PRKCB: variants seen among roughly 807,000 people sequenced by gnomAD.
The protein encoded by PRKCB is protein kinase C beta type.
Under a neutral mutation model 81.5 loss-of-function variants are expected in PRKCB, and 13 were observed. That is an observed-to-expected ratio of 0.16 (90% CI 0.10 to 0.25). PRKCB has a LOEUF of 0.25. Among genes scored for constraint, PRKCB ranks in the 10% least tolerant of loss-of-function variants. The pLI is 1.00. For synonymous variants in PRKCB, 335 were observed against 321.4 expected, an observed-to-expected ratio of 1.04 and a Z score of -0.45; for missense variants, 509 against 875.7, an observed-to-expected ratio of 0.58 and a Z score of 5.29.
At chr16:23,841,323 A>C (rs1407889864) in intron 2 of PRKCB, among the ~76,000 whole-genome samples, 1 of 151,474 alleles carries the variant, frequency 6.6e-6, no homozygotes, top group East Asian at 1.9e-4. Context: ...CAGGTGATCC[A>C]CCCGCCTCGG....
intron 2 of PRKCB, among the ~76,000 whole-genome samples, chr16:23,900,579 T>C (rs957845504): frequency 6.6e-6 from 1 of 151,328 alleles, no homozygotes; most frequent in South Asian, 2.1e-4. Flanking sequence ...ATTCCGCATA[T>C]GAACCTTATA....
intron 3 of PRKCB, among the ~76,000 whole-genome samples, chr16:24,005,818 A>G (rs1965110202): frequency 1.3e-5 from 2 of 152,238 alleles, no homozygotes; most frequent in South Asian, 4.2e-4. Context: ...TGGCTCAGTA[A>G]AGCAACGTAA....
At chr16:24,097,397 C>T (rs1966459305) in intron 7 of PRKCB, among the ~76,000 whole-genome samples, 2 of 152,074 alleles carry the variant, frequency 1.3e-5, no homozygotes, top group Non-Finnish European at 2.9e-5. Flanking sequence ...ACTAGAAACA[C>T]ATGGAGGTAT....
intron 7 of PRKCB, among the ~76,000 whole-genome samples, chr16:24,101,968 G>C (rs1283026811): frequency 1.3e-5 from 2 of 152,202 alleles, no homozygotes; most frequent in African/African-American, 4.8e-5. Flanking sequence ...CAGTGTGTTA[G>C]GGATACACAG....
chr16:24,216,753 A>G lies in PRKCB; in HGVS notation c.*1937A>G. The stretch of plus-strand genomic sequence containing the variant: ...ACTTGAAGTTCTATCTGACAAGTTT[A>G]GGCAGTAAGAGAAGGAGGGAAATCG... On this transcript the variant is annotated 3_prime_UTR_variant, in exon 17 of 17. Coordinates refer to ENST00000643927, the MANE Select transcript of PRKCB (RefSeq NM_002738.7). The G allele has an allele frequency of 1.0e-6, 1 of 985,510 alleles. No homozygotes were observed. The allele number at this position is 985,510 out of a possible 1,614,324, so 61.0% of individuals were successfully genotyped here.
Position 24,123,904 on chromosome 16 carries a change from A to G in PRKCB, c.988A>G (p.Asn330Asp). 1 of 1,614,192 alleles carries G rather than the reference A, an allele frequency of 6.2e-7. No homozygotes were observed. The highest frequency in any genetic ancestry group is 8.5e-7 in the Non-Finnish European group (1 of 1,180,030). The change falls in exon 9 of 17, where the codon AAC (asparagine) becomes GAC (aspartate). Residue 330 changes from asparagine (N) to aspartate (D), a missense_variant. By Grantham distance (23) the Asn-to-Asp change is conservative. Coordinates refer to ENST00000643927, the MANE Select transcript of PRKCB (RefSeq NM_002738.7). ...GACCAACACTGTCTCCAAATTTGAC[A>G]ACAATGGCAACAGAGACCGGATGAA... ...KTTNTVSKFD[N>D]NGNRDRMKLT...
intron 16 of PRKCB, among the ~76,000 whole-genome samples, chr16:24,191,838 A>G (rs1967798285): frequency 6.6e-6 from 1 of 152,260 alleles, no homozygotes; most frequent in Non-Finnish European, 1.5e-5. Flanking sequence ...TAATGCAAGA[A>G]TAAAACTCTC....
At chr16:23,934,394 T>G (rs367636386) in intron 2 of PRKCB, among the ~76,000 whole-genome samples, 11 of 151,866 alleles carry the variant, frequency 7.2e-5, no homozygotes, top group South Asian at 6.2e-4. Context: ...TTCAACATAT[T>G]CAAGCACTGT....
At chr16:24,080,788 GA>G (rs1032796197) in intron 5 of PRKCB, among the ~76,000 whole-genome samples, 1 of 152,104 alleles carries the variant, frequency 6.6e-6, no homozygotes, top group African/African-American at 2.4e-5. Flanking sequence ...ATTTTGAATT[GA>G]AAGAAAATAA....
chr16:23,840,433 G>T (rs1254761607), intron 2 of PRKCB, among the ~76,000 whole-genome samples: 1 of 152,032 alleles, frequency 6.6e-6, no homozygotes, highest in African/African-American at 2.4e-5. Context: ...GGAAGAAAGG[G>T]GTAAAGAAGG....
chr16:24,210,663 C>A (rs1418798454), intron 16 of PRKCB, among the ~76,000 whole-genome samples: 3 of 152,078 alleles, frequency 2.0e-5, no homozygotes, highest in Admixed American at 6.5e-5. Context: ...CCACACCCAG[C>A]TAATATTTGT....
Position 23,870,084 on chromosome 16 carries a change from C to T in PRKCB, c.205+32678C>T, listed in dbSNP as rs974255151. On this transcript the variant is annotated intron_variant, in intron 2 of 16. Coordinates refer to ENST00000643927, the MANE Select transcript of PRKCB (RefSeq NM_002738.7). ...GTTCTAGCTAGGTACTGTTGGCAGA[C>T]AAGAATCTGATTTTGAAATATCGTC... Among the ~76,000 whole-genome samples, 40 of 151,180 alleles carry T rather than the reference C, an allele frequency of 2.6e-4. 1 individual carries two copies. Among genetic ancestry groups the T allele is most frequent in the Non-Finnish European group, 1.5e-5 (1 of 67,906 alleles).
chr16:24,166,615 T>C (rs1967350972), intron 10 of PRKCB, among the ~76,000 whole-genome samples: 1 of 152,220 alleles, frequency 6.6e-6, no homozygotes, highest in Admixed American at 6.5e-5. Context: ...CCTACCCATT[T>C]TGGGAAACAC....
At chr16:23,911,404 A>C (rs1963651340) in intron 2 of PRKCB, among the ~76,000 whole-genome samples, 1 of 151,980 alleles carries the variant, frequency 6.6e-6, no homozygotes, top group Non-Finnish European at 1.5e-5. Flanking sequence ...CTGGGATTAC[A>C]GGCATGCGCT....
At chr16:24,003,086 C>T (rs1468385387) in intron 3 of PRKCB, among the ~76,000 whole-genome samples, 1 of 152,148 alleles carries the variant, frequency 6.6e-6, no homozygotes, top group Non-Finnish European at 1.5e-5. Context: ...TAATTCTCTC[C>T]TTCTGGGTTC....
intron 2 of PRKCB, among the ~76,000 whole-genome samples, chr16:23,967,367 G>A (rs1470608696): frequency 1.3e-5 from 2 of 152,224 alleles, no homozygotes; most frequent in Non-Finnish European, 1.5e-5. Context: ...CCATGGGGGC[G>A]ATAGGGTGGT....
rs184156889 is a variant in PRKCB at position 24,214,153 on chromosome 16, C to T, written c.1864-505C>T. Among the ~76,000 whole-genome samples, 291 of 152,296 alleles carry T rather than the reference C, an allele frequency of 1.9e-3. 2 individuals are homozygous for T. The highest frequency in any genetic ancestry group is 3.4e-3 in the Middle Eastern group (1 of 294). ...TGTATTCTGTTGAGTTGGAAAACAT[C>T]CACTGCTCCTGATTGAGAGCTGGAG... On this transcript the variant is annotated intron_variant, in intron 16 of 16. Transcript: ENST00000643927.
At chr16:24,213,006 ATATTTATTTATTTATTTATTTATT>A (rs113357248) in intron 16 of PRKCB, among the ~76,000 whole-genome samples, 1 of 143,742 alleles carries the variant, frequency 7.0e-6, no homozygotes, top group African/African-American at 2.6e-5. Flanking sequence ...CCGTACTTGT[ATATTTATTTATTTATTTATTTATT>A]TATTTATTTA....
At chr16:23,991,538 G>GCTGAATGTTTCTGTTGC (rs1217157818) in intron 3 of PRKCB, among the ~76,000 whole-genome samples, 1 of 152,126 alleles carries the variant, frequency 6.6e-6, no homozygotes, top group African/African-American at 2.4e-5. Flanking sequence ...CTATCTATCT[G>GCTGAATGTTTCTGTTGC]CTGAATGTTT....
Sources: gnomAD v4.1 joint callset for allele counts (sites outside exome capture counted in the v4.1 genomes callset) on GRCh38, gnomAD v4.1.1 for gene constraint, MANE v1.5 for transcripts, NCBI Gene and HGNC (gene_info 2026-07-23, HGNC 2026-07-21) for gene names.